Variants in PPM1D observed in about 807,000 individuals in gnomAD.
PPM1D encodes protein phosphatase, Mg2+/Mn2+ dependent 1D.
Under a neutral mutation model 58.3 loss-of-function variants are expected in PPM1D, and 52 were observed. The ratio of observed to expected loss-of-function variants is 0.89; its 90% CI spans 0.71 to 1.12. PPM1D has a LOEUF of 1.12. Ranked by LOEUF, PPM1D falls within the 50% of genes most tolerant of loss-of-function variation. The pLI is 0.00. For missense variants in PPM1D, 564 were observed against 777.2 expected (o/e 0.73, Z 3.26); for synonymous variants, 278 against 285.1 (o/e 0.98, Z 0.25).
At chr17:60,655,122 T>C (rs919373589) in intron 4 of PPM1D, among the ~76,000 whole-genome samples, 1 of 152,220 alleles carries the variant, frequency 6.6e-6, no homozygotes, top group Non-Finnish European at 1.5e-5. Flanking sequence ...TTTTTCCTCA[T>C]ATGAGTGACA....
Position 60,600,727 on chromosome 17 carries a change from G to A in PPM1D, c.313G>A (p.Asp105Asn). Residue 105 changes from aspartate (D) to asparagine (N), a missense_variant, in exon 1 of 6, where the codon GAC becomes AAC. By Grantham distance (23) the Asp-to-Asn change is conservative. Around this residue, in one of 7 missense-constraint regions of PPM1D, gnomAD observed 1 missense variants for 16.9 expected, o/e 0.06. Coordinates refer to ENST00000305921, the MANE Select transcript of PPM1D (RefSeq NM_003620.4). ...CTCCGTGGCCTTTTTCGCCGTGTGC[G>A]ACGGGCACGGCGGGCGGGAGGCGGC... ...RSSVAFFAVC[D>N]GHGGREAAQF... The A allele has an allele frequency of 1.2e-6, 2 of 1,609,952 alleles. No individual in the cohort carries two copies. Among genetic ancestry groups the A allele is most frequent in the Non-Finnish European group, 8.5e-7 (1 of 1,178,922 alleles).
chr17:60,628,613 C>T (rs2030858283), intron 2 of PPM1D, among the ~76,000 whole-genome samples: 1 of 151,980 alleles, frequency 6.6e-6, no homozygotes, highest in Admixed American at 6.6e-5. Context: ...AGTATGTAGC[C>T]CCTATGCATG....
chr17:60,645,970 G>A (rs2031244026), intron 3 of PPM1D, among the ~76,000 whole-genome samples: 1 of 151,838 alleles, frequency 6.6e-6, no homozygotes, highest in Non-Finnish European at 1.5e-5. Flanking sequence ...TAGTGGGACC[G>A]CCATCTCTAC....
intron 3 of PPM1D, among the ~76,000 whole-genome samples, chr17:60,642,729 T>C (rs888000010): frequency 3.6e-4 from 54 of 152,098 alleles, no homozygotes; most frequent in African/African-American, 1.3e-3. Context: ...AGTTTTGGGA[T>C]TACAGGCGTG....
At chr17:60,601,781 T>A (rs548217063) in intron 1 of PPM1D, among the ~76,000 whole-genome samples, 79 of 152,346 alleles carry the variant, frequency 5.2e-4, no homozygotes, top group African/African-American at 1.8e-3. Flanking sequence ...TAAGTTTTTT[T>A]AAATGTTTGT....
In PPM1D at chr17:60,663,577, T is replaced by C; in HGVS notation, c.*25T>C. The C allele has an allele frequency of 6.3e-7, 1 of 1,591,618 alleles. No homozygotes were observed. The highest frequency in any genetic ancestry group is 8.5e-7 in the Non-Finnish European group (1 of 1,172,458). On this transcript the variant is annotated 3_prime_UTR_variant, in exon 6 of 6. Transcript: ENST00000305921. ...AAATGCATCTGGGAAATGAGGTTTT[T>C]CCAAACTTAGGATATAAGAGGGCTT... is the stretch of plus-strand genomic sequence containing the variant.
intron 3 of PPM1D, among the ~76,000 whole-genome samples, chr17:60,634,568 C>T (rs1293655614): frequency 6.6e-6 from 1 of 152,082 alleles, no homozygotes; most frequent in Non-Finnish European, 1.5e-5. Context: ...ATCCCATTCT[C>T]CTTTAGCCCT....
intron 4 of PPM1D, among the ~76,000 whole-genome samples, chr17:60,649,842 T>G (rs2031312276): frequency 6.6e-6 from 1 of 152,342 alleles, no homozygotes; most frequent in South Asian, 2.1e-4. Context: ...CATTAGATCA[T>G]GAGTTCTTTT....
At chr17:60,645,672 A>G (rs1400913472) in intron 3 of PPM1D, among the ~76,000 whole-genome samples, 2 of 143,906 alleles carry the variant, frequency 1.4e-5, no homozygotes, top group African/African-American at 5.1e-5. Flanking sequence ...ACACACACAC[A>G]TATACATATA....
chr17:60,614,519 G>C (rs903280417), intron 1 of PPM1D, among the ~76,000 whole-genome samples: 1 of 152,148 alleles, frequency 6.6e-6, no homozygotes, highest in Non-Finnish European at 1.5e-5. Context: ...CAATCAGCAG[G>C]ATGTGGGTGG....
At chr17:60,652,018 T>G (rs1476406485) in intron 4 of PPM1D, among the ~76,000 whole-genome samples, 1 of 152,206 alleles carries the variant, frequency 6.6e-6, no homozygotes, top group Non-Finnish European at 1.5e-5. Context: ...TAGAGATTTT[T>G]AAAACACACT....
chr17:60,608,812 A>G (rs1399275182), intron 1 of PPM1D, among the ~76,000 whole-genome samples: 3 of 150,122 alleles, frequency 2.0e-5, no homozygotes, highest in Admixed American at 6.6e-5. Context: ...CAGTGGCGCT[A>G]TCTTGGCTCA....
rs781469973 is a variant in PPM1D, at chr17:60,663,359, A to G, written c.1625A>G (p.Asn542Ser). ...TTTAAAAGGACATTAGAAGAGTCCA[A>G]TTCTGGCCCCCTGATGAAGAAGCAT... ...TNFKRTLEES[N>S]SGPLMKKHRR... The change falls in exon 6 of 6, where the codon AAT (asparagine) becomes AGT (serine). Residue 542 changes from asparagine (N) to serine (S), a missense_variant. Physicochemically the swap from Asn to Ser is conservative, Grantham distance 46. This residue lies in a region of PPM1D where 261 missense variants were observed against 270.1 expected (regional missense o/e 0.97). Coordinates refer to ENST00000305921, the MANE Select transcript of PPM1D (RefSeq NM_003620.4). 40 of 1,614,234 alleles carry G rather than the reference A, an allele frequency of 2.5e-5. No homozygotes were observed. The highest frequency in any genetic ancestry group is 1.3e-4 in the East Asian group (6 of 44,890).
intron 1 of PPM1D, among the ~76,000 whole-genome samples, chr17:60,601,985 A>C (rs1322440495): frequency 6.6e-6 from 1 of 152,266 alleles, no homozygotes; most frequent in Admixed American, 6.5e-5. Flanking sequence ...ATAGAGACAT[A>C]GAGAAAAGAG....
At chr17:60,654,371 A>T (rs2031396588) in intron 4 of PPM1D, among the ~76,000 whole-genome samples, 1 of 135,924 alleles carries the variant, frequency 7.4e-6, no homozygotes, top group Non-Finnish European at 1.6e-5. Flanking sequence ...TCCTGGGCTG[A>T]ACTGATTCTC....
intron 4 of PPM1D, among the ~76,000 whole-genome samples, chr17:60,655,853 C>T (rs146778771): frequency 1.2e-3 from 183 of 151,900 alleles, no homozygotes; most frequent in African/African-American, 4.1e-3. Context: ...AGGCATGTGC[C>T]GTCGCGCCCG....
intron 1 of PPM1D, among the ~76,000 whole-genome samples, chr17:60,614,718 G>A (rs1267370636): frequency 6.6e-6 from 1 of 152,122 alleles, no homozygotes; most frequent in African/African-American, 2.4e-5. Flanking sequence ...AAGCCAGGGA[G>A]ACCACCAACC....
chr17:60,600,291 C>T lies in PPM1D; in HGVS notation c.-124C>T. On this transcript the variant is annotated 5_prime_UTR_variant, in exon 1 of 6. Coordinates refer to ENST00000305921, the MANE Select transcript of PPM1D (RefSeq NM_003620.4). ...TCGCGCGCCCCCCCTTCTCCGGGTC[C>T]GCCCCCTCCCCCTTCTCGGCGTCGT... 1 of 1,445,776 alleles carries T rather than the reference C, an allele frequency of 6.9e-7. No individual in the cohort carries two copies. The highest frequency in any genetic ancestry group is 2.6e-5 in the East Asian group (1 of 38,680). 89.6% of individuals were successfully genotyped at this position (1,445,776 alleles called of 1,614,324 possible).
At chr17:60,603,230 C>T (rs1053433580) in intron 1 of PPM1D, among the ~76,000 whole-genome samples, 2 of 152,026 alleles carry the variant, frequency 1.3e-5, no homozygotes, top group African/African-American at 4.8e-5. Context: ...AAACTTTTTG[C>T]TCTCAGAACC....
Sources: allele counts gnomAD v4.1 joint callset (sites outside exome capture counted in the v4.1 genomes callset), GRCh38; gene constraint gnomAD v4.1.1; regional missense constraint gnomAD v4.1.1; transcripts MANE v1.5; gene names NCBI Gene and HGNC (gene_info 2026-07-23, HGNC 2026-07-21).